ATAD2B: variants seen among roughly 807,000 people sequenced by gnomAD.
ATAD2B encodes the protein ATPase family AAA domain containing 2B, also known as ATPase family AAA domain-containing protein 2B.
Under a neutral mutation model 167.6 loss-of-function variants are expected in ATAD2B, and 40 were observed. That is an observed-to-expected ratio of 0.24 (90% CI 0.19 to 0.31). The LOEUF is 0.31. Ranked by LOEUF, ATAD2B falls within the 10% of genes least tolerant of loss-of-function variation. The pLI is 1.00. For synonymous variants in ATAD2B, 579 were observed against 596.5 expected, an observed-to-expected ratio of 0.97 and a Z score of 0.43; for missense variants, 1,242 against 1,757.2, an observed-to-expected ratio of 0.71 and a Z score of 5.24.
At position 23,823,346 on chromosome 2, in the gene ATAD2B, T is replaced by G; in HGVS notation, c.2043A>C (p.Pro681=). ...SGHALSPIIR[P]LLERSFNNIL... ...TGTTGTTGAAGCTTCTTTCCAGCAGTGGTCTTATGATGGGGGATAGTGCAT... is the reference window on the plus strand; with the variant it reads ...TGTTGTTGAAGCTTCTTTCCAGCAGGGGTCTTATGATGGGGGATAGTGCAT... Residue 681 remains proline (P), a synonymous_variant, in exon 16 of 28, where the codon CCA becomes CCC. Transcript: ENST00000238789. The G allele has an allele frequency of 1.2e-6, 2 of 1,613,810 alleles. No homozygotes were observed. Among genetic ancestry groups the G allele is most frequent in the Non-Finnish European group, 1.7e-6 (2 of 1,179,806 alleles).
chr2:23,816,486 A>G lies in ATAD2B; in HGVS notation c.2267+3261T>C, dbSNP rs150237525. Among the ~76,000 whole-genome samples the G allele has an allele frequency of 1.1e-3, 169 of 152,332 alleles. 4 individuals carry two copies. In the East Asian group the frequency reaches 0.019, roughly 17 times the overall value. On this transcript the variant is annotated intron_variant, in intron 17 of 27. Coordinates refer to ENST00000238789, the MANE Select transcript of ATAD2B (RefSeq NM_017552.4). ...ACAGTCATATTAAACATACACTGAC[A>G]TGAAATAATATTCCCAACATAGTGG...
chr2:23,864,386 C>G (rs1256971512), intron 11 of ATAD2B, among the ~76,000 whole-genome samples: 2 of 152,166 alleles, frequency 1.3e-5, no homozygotes, highest in Non-Finnish European at 1.5e-5. Context: ...ACCTCATGAT[C>G]AGGCACAATC....
At chr2:23,745,393 G>GAAGA (rs1558476048), downstream of ATAD2B, among the ~76,000 whole-genome samples, 37 of 112,890 alleles carry the variant, frequency 3.3e-4, no homozygotes, top group African/African-American at 1.3e-3. Context: ...AGGAAGGAAG[G>GAAGA]AAGGAAGGAA....
rs563674828 is a variant in ATAD2B at position 23,877,133 on chromosome 2, T to A, written c.902-1229A>T. Among the ~76,000 whole-genome samples the A allele has an allele frequency of 4.0e-5, 6 of 149,966 alleles. No homozygotes were observed. In the South Asian group the frequency reaches 1.3e-3, roughly 32 times the overall value. On this transcript the variant is annotated intron_variant, in intron 7 of 27. Transcript: ENST00000238789. ...CCATTCAAAGAACAATCCATTAAAA[T>A]TTTTTTTTACAGGCTGGGCAGGGTC...
intron 6 of ATAD2B, among the ~76,000 whole-genome samples, chr2:23,882,286 C>T (rs1573229837): frequency 6.6e-6 from 1 of 151,900 alleles, no homozygotes; most frequent in East Asian, 1.9e-4. Flanking sequence ...ACCTCTGCCT[C>T]TCGGGTTCAG....
At chr2:23,825,979 T>A (rs558830149) in intron 15 of ATAD2B, among the ~76,000 whole-genome samples, 5 of 152,284 alleles carry the variant, frequency 3.3e-5, no homozygotes, top group African/African-American at 1.2e-4. Context: ...TTAATTATTA[T>A]AACCAACAGA....
At chr2:23,868,099 T>C (rs1224182263) in intron 9 of ATAD2B, among the ~76,000 whole-genome samples, 153 bp from the exon 10 acceptor site, 1 of 152,248 alleles carries the variant, frequency 6.6e-6, no homozygotes, top group Non-Finnish European at 1.5e-5. Context: ...TTACTCTACT[T>C]TTCTTACATT....
chr2:23,769,712 G>GTTTT (rs1266284550), intron 22 of ATAD2B, among the ~76,000 whole-genome samples: 2 of 128,044 alleles, frequency 1.6e-5, no homozygotes, highest in African/African-American at 2.9e-5. Flanking sequence ...CTCACTGTGG[G>GTTTT]TTTTTTTTTT....
the ATAD2B span, among the ~76,000 whole-genome samples, chr2:23,732,224 T>G: frequency 6.6e-6 from 1 of 152,008 alleles, no homozygotes. Context: ...CTGTGGGAAA[T>G]TCAATAGATC....
chr2:23,889,577 A>T (rs1374335757), intron 2 of ATAD2B, among the ~76,000 whole-genome samples: 1 of 152,190 alleles, frequency 6.6e-6, no homozygotes, highest in Non-Finnish European at 1.5e-5. Context: ...TGTACATCAC[A>T]ATACCCCTGG....
At chr2:23,803,330 ACACACACACG>A (rs1683798836) in intron 18 of ATAD2B, among the ~76,000 whole-genome samples, 1 of 151,054 alleles carries the variant, frequency 6.6e-6, no homozygotes, top group African/African-American at 2.4e-5. Flanking sequence ...ACACACACAC[ACACACACACG>A]CGCACGCATT....
intron 22 of ATAD2B, among the ~76,000 whole-genome samples, chr2:23,780,290 TG>T (rs1679821410): frequency 6.7e-6 from 1 of 149,372 alleles, no homozygotes; most frequent in Non-Finnish European, 1.5e-5. Flanking sequence ...TGTGTGTGTG[TG>T]TGTGTGTGTG....
the ATAD2B span, among the ~76,000 whole-genome samples, chr2:23,732,392 T>A: frequency 1.3e-5 from 2 of 152,168 alleles, no homozygotes; most frequent in African/African-American, 2.4e-5. Context: ...AGCAAAAAAG[T>A]CATTACCATA....
chr2:23,896,823 T>C (rs1700217416), intron 1 of ATAD2B, among the ~76,000 whole-genome samples: 1 of 152,236 alleles, frequency 6.6e-6, no homozygotes, highest in African/African-American at 2.4e-5. Flanking sequence ...TTTCCCTATC[T>C]TTCATGTCTT....
Position 23,867,936 on chromosome 2 carries a change from T to G in ATAD2B, c.1087A>C (p.Met363Leu). Residue 363 changes from methionine to leucine, a missense_variant, in exon 10 of 28, where the codon ATG becomes CTG. Met to Leu is a conservative substitution (Grantham distance 15). Around this residue, in one of 9 missense-constraint regions of ATAD2B, gnomAD observed 127 missense variants for 146.3 expected, o/e 0.87. Transcript: ENST00000238789. ...MARARNRCLP[M>L]NFRAEDLASG... ...GCTAAGTCCTCTGCTCTGAAGTTCA[T>G]AGGCAAACATCTGAAATTTATAAAA... is the stretch of plus-strand genomic sequence containing the variant. 1 of 1,602,338 alleles carries G rather than the reference T, an allele frequency of 6.2e-7. No homozygotes were observed. Among genetic ancestry groups the G allele is most frequent in the Non-Finnish European group, 8.5e-7 (1 of 1,175,902 alleles).
At chr2:23,696,157 G>T in the ATAD2B span, 12 of 1,545,786 alleles carry the variant, frequency 7.8e-6, no homozygotes, top group Non-Finnish European at 1.0e-5. The surrounding 1 kb of genome is among the most constrained non-coding windows in gnomAD (Gnocchi z 5.5). Flanking sequence ...GGGTTGGGGC[G>T]GGACCAGGCA....
At chr2:23,906,850 G>C (rs1457940213) in intron 1 of ATAD2B, among the ~76,000 whole-genome samples, 1 of 151,776 alleles carries the variant, frequency 6.6e-6, no homozygotes, top group East Asian at 1.9e-4. Context: ...CATATAAACA[G>C]AACCAAAGAC....
At chr2:23,713,049 C>T in the ATAD2B span, among the ~76,000 whole-genome samples, 1 of 152,378 alleles carries the variant, frequency 6.6e-6, no homozygotes, top group South Asian at 2.1e-4. Flanking sequence ...CTGCTGTAGC[C>T]AGCCCTGCAG....
the ATAD2B span, chr2:23,707,171 G>A: frequency 2.0e-5 from 3 of 152,268 alleles, no homozygotes; most frequent in African/African-American, 7.2e-5. Context: ...GCATCACAAG[G>A]CCTAGGAGGC....
Sources: gnomAD v4.1 joint callset for allele counts (sites outside exome capture counted in the v4.1 genomes callset) on GRCh38, gnomAD v4.1.1 for gene constraint, gnomAD v4.1.1 regional missense constraint, Gnocchi (gnomAD v3.1) non-coding constraint, MANE v1.5 for transcripts, NCBI Gene and HGNC (gene_info 2026-07-23, HGNC 2026-07-21) for gene names.